ADGRL2: variants seen among roughly 807,000 people sequenced by gnomAD.
ADGRL2 encodes the protein adhesion G protein-coupled receptor L2, also known as calcium-independent alpha-latrotoxin receptor 2.
Under a neutral mutation model 157.4 loss-of-function variants are expected in ADGRL2, and 44 were observed. That is an observed-to-expected ratio of 0.28 (90% CI 0.22 to 0.36). ADGRL2 has a LOEUF of 0.36. Ranked by LOEUF, ADGRL2 falls within the 10% of genes least tolerant of loss-of-function variation. The pLI is 1.00. For synonymous variants in ADGRL2, 585 were observed against 624.7 expected (o/e 0.94, Z 0.95); for missense variants, 1,510 against 1,768.9 (o/e 0.85, Z 2.63).
intron 2 of ADGRL2, among the ~76,000 whole-genome samples, chr1:81,861,179 C>T (rs891323952): frequency 6.6e-6 from 1 of 152,020 alleles, no homozygotes; most frequent in African/African-American, 2.4e-5. Flanking sequence ...AGCCACCACG[C>T]TTGGCTAATT....
intron 2 of ADGRL2, among the ~76,000 whole-genome samples, chr1:81,871,814 G>A (rs530908246): frequency 4.6e-5 from 7 of 152,114 alleles, no homozygotes; most frequent in East Asian, 1.9e-4. Context: ...TAAGTTCTTT[G>A]TAGATTCTGG....
intron 2 of ADGRL2, among the ~76,000 whole-genome samples, chr1:81,841,473 T>C (rs1311110224): frequency 6.6e-6 from 1 of 152,184 alleles, no homozygotes; most frequent in African/African-American, 2.4e-5. Context: ...GAAAACTGTT[T>C]CTGGCATATA....
chr1:81,779,003 A>G (rs2086707044), intron 2 of ADGRL2, among the ~76,000 whole-genome samples: 1 of 152,164 alleles, frequency 6.6e-6, no homozygotes, highest in Non-Finnish European at 1.5e-5. Flanking sequence ...ATCCTTATTT[A>G]TCCTCAGTAA....
rs558773185 is a variant in ADGRL2 at position 81,492,141 on chromosome 1, G to C, written c.-248+47052G>C. 3.3e-5 allele frequency among the ~76,000 whole-genome samples: 5 copies of C among 152,238 alleles called. No homozygotes were observed. The South Asian group carries it at 1.0e-3, about 32-fold the overall frequency. ...TTGTTTCTTTCTAGTAGGAAATAAA[G>C]ACTGCCCATCTCCAGTAATGTTTCT... On this transcript the variant is annotated intron_variant, in intron 2 of 24. Coordinates refer to the ADGRL2 transcript ENST00000370721.
intron 3 of ADGRL2, among the ~76,000 whole-genome samples, chr1:81,665,415 A>G (rs538023592): frequency 6.6e-6 from 1 of 152,234 alleles, no homozygotes; most frequent in African/African-American, 2.4e-5. Context: ...ACTGAGATAC[A>G]TTTCATTTCT....
At chr1:81,403,841 A>G (rs1488236115) in intron 1 of ADGRL2, among the ~76,000 whole-genome samples, 1 of 143,598 alleles carries the variant, frequency 7.0e-6, no homozygotes, top group Non-Finnish European at 1.5e-5. Context: ...TCTATTGTCC[A>G]GGCTGGAGTA....
chr1:81,482,376 T>TA lies in ADGRL2; in HGVS notation c.-248+37288dup, dbSNP rs537157254. ...AATTTTTCTTTTGCCATCCAAGTAATACGTGTTTATTATAGAACAACTTAA... is the reference window on the plus strand; with the variant it reads ...AATTTTTCTTTTGCCATCCAAGTAATAACGTGTTTATTATAGAACAACTTAA... On this transcript the variant is annotated intron_variant, in intron 2 of 24. Coordinates refer to the ADGRL2 transcript ENST00000370721. 4.3e-3 allele frequency among the ~76,000 whole-genome samples: 659 copies of TA among 152,156 alleles called. 5 individuals carry two copies. The highest frequency in any genetic ancestry group is 7.5e-3 in the Non-Finnish European group (509 of 68,004).
chr1:81,658,467 A>G (rs1220996324), intron 3 of ADGRL2, among the ~76,000 whole-genome samples: 6 of 152,160 alleles, frequency 3.9e-5, no homozygotes, highest in Non-Finnish European at 8.8e-5. Flanking sequence ...TGTTACACAG[A>G]TATGTTACAC....
intron 1 of ADGRL2, among the ~76,000 whole-genome samples, chr1:81,440,734 C>G (rs1335924775): frequency 6.6e-6 from 1 of 152,184 alleles, no homozygotes; most frequent in Non-Finnish European, 1.5e-5. Flanking sequence ...CTGTTAATAG[C>G]AACCCAATTT....
At chr1:81,498,880 G>A (rs963721433) in intron 2 of ADGRL2, among the ~76,000 whole-genome samples, 4 of 152,024 alleles carry the variant, frequency 2.6e-5, no homozygotes, top group South Asian at 2.1e-4. Flanking sequence ...GAAAAAAAAT[G>A]GTTAGGAACA....
In ADGRL2 at chr1:81,426,002, G is replaced by A. The variant is rs192380589; in HGVS notation, c.-301-19034G>A. ...CCACCTCAGCCTCCCAAGTAGCTGGGACTACAGGCATGCACCACCACACCC... is the reference window on the plus strand; with the variant it reads ...CCACCTCAGCCTCCCAAGTAGCTGGAACTACAGGCATGCACCACCACACCC... On this transcript the variant is annotated intron_variant, in intron 1 of 24. Coordinates refer to the ADGRL2 transcript ENST00000370721. Among the ~76,000 whole-genome samples the A allele has an allele frequency of 6.1e-3, 922 of 152,170 alleles. 25 individuals carry two copies. Among genetic ancestry groups the A allele is most frequent in the Admixed American group, 0.042 (643 of 15,276 alleles).
chr1:81,488,826 A>G (rs2078565634), intron 2 of ADGRL2, among the ~76,000 whole-genome samples: 1 of 152,146 alleles, frequency 6.6e-6, no homozygotes, highest in African/African-American at 2.4e-5. Flanking sequence ...AAAAGACCTG[A>G]TGTCTACTAG....
At chr1:81,378,363 C>T (rs936231462) in intron 1 of ADGRL2, among the ~76,000 whole-genome samples, 1 of 151,756 alleles carries the variant, frequency 6.6e-6, no homozygotes, top group African/African-American at 2.4e-5. Flanking sequence ...CCAGCCTAGG[C>T]AACATAACTA....
intron 1 of ADGRL2, among the ~76,000 whole-genome samples, chr1:81,419,037 A>C (rs987187717): frequency 6.6e-6 from 1 of 152,194 alleles, no homozygotes; most frequent in Admixed American, 6.5e-5. Context: ...AATGCAATGC[A>C]CTAGACTGGT....
intron 3 of ADGRL2, among the ~76,000 whole-genome samples, chr1:81,929,069 A>C (rs1237359627): frequency 2.6e-5 from 4 of 152,204 alleles, no homozygotes; most frequent in Admixed American, 6.5e-5. Flanking sequence ...AATTTAAGCA[A>C]ACTTTAATTT....
intron 3 of ADGRL2, among the ~76,000 whole-genome samples, chr1:81,908,417 G>A (rs1164915834): frequency 6.6e-6 from 1 of 152,004 alleles, no homozygotes; most frequent in Non-Finnish European, 1.5e-5. Context: ...CATATCTTTT[G>A]TTGGCTTGAT....
intron 2 of ADGRL2, among the ~76,000 whole-genome samples, chr1:81,781,252 G>A (rs1377909130): frequency 2.6e-5 from 4 of 152,050 alleles, no homozygotes; most frequent in Non-Finnish European, 1.5e-5. Flanking sequence ...CATTTTGTAG[G>A]TCAATGTTTT....
chr1:81,699,296 A>G (rs186711779), upstream of ADGRL2, among the ~76,000 whole-genome samples: 127 of 152,330 alleles, frequency 8.3e-4, 1 homozygote, highest in African/African-American at 2.9e-3. Flanking sequence ...GGGTGATTCT[A>G]AAAAGGAAAC....
intron 2 of ADGRL2, among the ~76,000 whole-genome samples, chr1:81,540,712 C>T (rs151102055): frequency 6.6e-6 from 1 of 152,082 alleles, no homozygotes; most frequent in East Asian, 1.9e-4. Context: ...ACTGACAGGC[C>T]CTGGTAAGAA....
Sources: allele counts gnomAD v4.1 joint callset (sites outside exome capture counted in the v4.1 genomes callset), GRCh38; gene constraint gnomAD v4.1.1; transcripts MANE v1.5; gene names NCBI Gene and HGNC (gene_info 2026-07-23, HGNC 2026-07-21).